FAM184A: variants seen among roughly 807,000 people sequenced by gnomAD.
FAM184A encodes the protein family with sequence similarity 184 member A.
FAM184A carries 99 observed loss-of-function variants against 143.8 expected under a neutral mutation model. The ratio of observed to expected loss-of-function variants is 0.69; its 90% CI spans 0.58 to 0.81. The LOEUF is 0.81. Among genes scored for constraint, FAM184A ranks in the 40% least tolerant of loss-of-function variants. FAM184A has a pLI of 0.00. For missense variants in FAM184A, 1,217 were observed against 1,310.5 expected (o/e 0.93, Z 1.10); for synonymous variants, 427 against 446.4 (o/e 0.96, Z 0.55).
chr6:119,046,922 A>G lies in FAM184A; in HGVS notation c.160-22109T>C, dbSNP rs942236301. 2.6e-5 allele frequency among the ~76,000 whole-genome samples: 4 copies of G among 152,376 alleles called. No homozygotes were observed. In the South Asian group the frequency reaches 8.3e-4, roughly 32 times the overall value. ...AAAAAGCTTCTGCACAGCAAAGGAT[A>G]TAATCAACCAAGTGAAGAGACAACC... On this transcript the variant is annotated intron_variant, in intron 1 of 17. Transcript: ENST00000338891.
intron 1 of FAM184A, among the ~76,000 whole-genome samples, chr6:119,046,212 T>C (rs1363201023): frequency 1.3e-5 from 2 of 150,894 alleles, no homozygotes; most frequent in Non-Finnish European, 3.0e-5. Context: ...GTGGTCATGA[T>C]AGAAAATGTA....
At chr6:119,104,737 A>G (rs1788733351) in intron 1 of FAM184A, among the ~76,000 whole-genome samples, 1 of 152,168 alleles carries the variant, frequency 6.6e-6, no homozygotes, top group Admixed American at 6.5e-5. Flanking sequence ...GTGGACTGCA[A>G]ATAGAGACTT....
intron 1 of FAM184A, among the ~76,000 whole-genome samples, chr6:119,041,360 C>T (rs556727161): frequency 3.3e-5 from 5 of 152,258 alleles, no homozygotes; most frequent in South Asian, 2.1e-4. Flanking sequence ...AGCGCATCCA[C>T]CTTTAAACAC....
chr6:119,097,628 T>C (rs1788541084), intron 1 of FAM184A, among the ~76,000 whole-genome samples: 1 of 152,176 alleles, frequency 6.6e-6, no homozygotes, highest in Admixed American at 6.5e-5. Flanking sequence ...TAATCATATC[T>C]TTCGCTCAAG....
intron 5 of FAM184A, among the ~76,000 whole-genome samples, chr6:119,014,650 G>A (rs1785183810): frequency 6.6e-6 from 1 of 152,204 alleles, no homozygotes; most frequent in African/African-American, 2.4e-5. Context: ...TGGCTTATAT[G>A]AAGTAGCAAT....
At chr6:119,078,714 A>G (rs1311597844), upstream of FAM184A, 6 of 154,908 alleles carry the variant, frequency 3.9e-5, no homozygotes, top group South Asian at 3.7e-4. The surrounding 1 kb of genome is among the most constrained non-coding windows in gnomAD (Gnocchi z 5.5). Context: ...AGGCGGGGAC[A>G]TGGAGGAGGA....
At position 119,062,906 on chromosome 6, in the gene FAM184A, T is replaced by G. The variant is rs558592097; in HGVS notation, c.159+15235A>C. 2.6e-5 allele frequency among the ~76,000 whole-genome samples: 4 copies of G among 152,310 alleles called. No individual in the cohort carries two copies. The South Asian group carries it at 8.3e-4, about 32-fold the overall frequency. On this transcript the variant is annotated intron_variant, in intron 1 of 17. Transcript: ENST00000338891. Reference sequence around the variant, plus strand: ...GTGTCCCCAAGAGTACATATAGGAATAAAATAAAACAACATTCTATACCTC... The same window carrying G: ...GTGTCCCCAAGAGTACATATAGGAAGAAAATAAAACAACATTCTATACCTC...
intron 1 of FAM184A, among the ~76,000 whole-genome samples, chr6:119,051,011 G>C (rs1786742030): frequency 6.6e-6 from 1 of 152,144 alleles, no homozygotes; most frequent in African/African-American, 2.4e-5. Flanking sequence ...GGTGGGAGGA[G>C]GGAAAGGAGC....
At chr6:119,081,689 G>C (rs191106566), upstream of FAM184A, among the ~76,000 whole-genome samples, 110 of 152,334 alleles carry the variant, frequency 7.2e-4, 1 homozygote, top group Non-Finnish European at 1.4e-3. Flanking sequence ...AGATGGGGTA[G>C]CCAGAAGGGA....
chr6:119,016,068 C>G (rs1414051015), intron 5 of FAM184A, among the ~76,000 whole-genome samples: 1 of 152,216 alleles, frequency 6.6e-6, no homozygotes, highest in Non-Finnish European at 1.5e-5. Flanking sequence ...CTGTATCTAG[C>G]TGCTCTGGTG....
At chr6:119,008,627 T>C (rs911105676) in intron 6 of FAM184A, among the ~76,000 whole-genome samples, 2 of 152,144 alleles carry the variant, frequency 1.3e-5, no homozygotes, top group Non-Finnish European at 2.9e-5. Flanking sequence ...TTTCTGTCAT[T>C]TGCAATAGAA....
In FAM184A at chr6:119,020,105, T is replaced by C. The variant is rs775557987; in HGVS notation, c.1205A>G (p.Asp402Gly). 1.2e-6 allele frequency: 2 copies of C among 1,608,920 alleles called. No homozygotes were observed. Among genetic ancestry groups the C allele is most frequent in the East Asian group, 2.2e-5 (1 of 44,618 alleles). Reference sequence around the variant, plus strand: ...GACTCTCGATTTTTCTGATTCTAAATCTTTAATTGTAACTTCCTGGGTCAT... The same window carrying C: ...GACTCTCGATTTTTCTGATTCTAAACCTTTAATTGTAACTTCCTGGGTCAT... Reference protein sequence around the residue: ...TQMTQEVTIKDLESEKSRVNE... With the variant: ...TQMTQEVTIKGLESEKSRVNE... Residue 402 changes from aspartate (D) to glycine (G), a missense_variant, in exon 4 of 18, where the codon GAT (aspartate) becomes GGT (glycine). By Grantham distance (94) the Asp-to-Gly change is moderately conservative. Transcript: ENST00000338891.
intron 1 of FAM184A, among the ~76,000 whole-genome samples, chr6:119,105,651 A>G (rs1341720241): frequency 6.6e-6 from 1 of 152,192 alleles, no homozygotes; most frequent in African/African-American, 2.4e-5. Flanking sequence ...ATTTTTCTGT[A>G]AATCTAAAAT....
chr6:118,965,578 T>C (rs188109556), intron 15 of FAM184A, among the ~76,000 whole-genome samples: 10 of 152,330 alleles, frequency 6.6e-5, no homozygotes, highest in Admixed American at 6.5e-4. Context: ...CTAGCAGAAC[T>C]ACATTCTAGT....
chr6:119,088,711 C>A (rs1483265113), intron 1 of FAM184A, among the ~76,000 whole-genome samples: 2 of 152,126 alleles, frequency 1.3e-5, no homozygotes, highest in African/African-American at 4.8e-5. Flanking sequence ...GAATGGGACT[C>A]AATCTAAGGC....
chr6:119,050,719 G>C (rs1478050535), intron 1 of FAM184A, among the ~76,000 whole-genome samples: 2 of 152,034 alleles, frequency 1.3e-5, no homozygotes, highest in African/African-American at 4.8e-5. Flanking sequence ...GCAGGAGAAT[G>C]GCGTGAACCC....
chr6:119,116,946 T>C (rs1366860897), intron 1 of FAM184A, among the ~76,000 whole-genome samples: 2 of 152,190 alleles, frequency 1.3e-5, no homozygotes, highest in South Asian at 2.1e-4. Flanking sequence ...ATGAGCTCTG[T>C]ATGGCATTCT....
chr6:119,006,207 G>A, intron 7 of FAM184A: 1 of 764,284 alleles, frequency 1.3e-6, no homozygotes, highest in Non-Finnish European at 2.4e-6. Context: ...TCTTCCCTTA[G>A]AGTTTAGGAA....
chr6:119,035,129 G>T (rs1478732611), intron 1 of FAM184A, among the ~76,000 whole-genome samples: 1 of 152,078 alleles, frequency 6.6e-6, no homozygotes, highest in East Asian at 1.9e-4. Context: ...AAAGCAACTG[G>T]CCGGTTAGAC....
Sources: allele counts gnomAD v4.1 joint callset (sites outside exome capture counted in the v4.1 genomes callset), GRCh38; gene constraint gnomAD v4.1.1; non-coding constraint Gnocchi (gnomAD v3.1); transcripts MANE v1.5; gene names NCBI Gene and HGNC (gene_info 2026-07-23, HGNC 2026-07-21).